The following ABLIM3 variants were observed in gnomAD, a reference collection of about 807,000 sequenced individuals.
The protein encoded by ABLIM3 is actin binding LIM protein family member 3, also known as actin-binding LIM protein 3.
Under a neutral mutation model 109.5 loss-of-function variants are expected in ABLIM3, and 61 were observed. The observed-to-expected ratio is 0.56, with a 90% CI of 0.45 to 0.69. ABLIM3 has a LOEUF of 0.69. ABLIM3 is among the 30% of genes least tolerant of loss of function. ABLIM3 has a pLI of 0.00. For synonymous variants in ABLIM3, 300 were observed against 324.8 expected (o/e 0.92, Z 0.82); for missense variants, 796 against 889.5 (o/e 0.89, Z 1.34).
chr5:149,240,914 C>A, intron 14 of ABLIM3, 140 bp downstream of exon 14: 1 of 725,830 alleles, frequency 1.4e-6, no homozygotes, highest in Non-Finnish European at 2.4e-6. Flanking sequence ...CCTGCACCAA[C>A]CCTGTCCTCC....
chr5:149,167,398 T>G (rs905989075), intron 2 of ABLIM3, among the ~76,000 whole-genome samples: 3 of 152,158 alleles, frequency 2.0e-5, no homozygotes, highest in African/African-American at 7.2e-5. Context: ...TCTTTAGAGT[T>G]TGCAATAAAA....
At chr5:149,241,229 G>A (rs1422380577) in intron 14 of ABLIM3, among the ~76,000 whole-genome samples, 2 of 152,212 alleles carry the variant, frequency 1.3e-5, no homozygotes, top group East Asian at 3.8e-4. Flanking sequence ...GGGCTCAGAG[G>A]TTGCAACTGT....
At chr5:149,193,654 A>G (rs1222514022) in intron 3 of ABLIM3, among the ~76,000 whole-genome samples, 1 of 152,220 alleles carries the variant, frequency 6.6e-6, no homozygotes, top group Non-Finnish European at 1.5e-5. Context: ...TAATCAAAGC[A>G]TTCCTAAAGA....
chr5:149,215,562 T>C lies in ABLIM3; in HGVS notation c.670-1397T>C, dbSNP rs376685150. On this transcript the variant is annotated intron_variant, in intron 7 of 23. Coordinates refer to ENST00000309868, the MANE Select transcript of ABLIM3 (RefSeq NM_014945.5). ...AAAAAAAACTAAGTTTGGAAATAGG[T>C]CTTCTTATTATGCAATTATAATTTT... 6.9e-4 allele frequency among the ~76,000 whole-genome samples: 105 copies of C among 151,190 alleles called. 1 individual carries two copies. Among genetic ancestry groups the C allele is most frequent in the African/African-American group, 2.5e-3 (103 of 41,076 alleles).
intron 10 of ABLIM3, among the ~76,000 whole-genome samples, chr5:149,235,331 A>G (rs1208384459): frequency 6.6e-6 from 1 of 152,210 alleles, no homozygotes; most frequent in Non-Finnish European, 1.5e-5. Context: ...GAGATTTTAG[A>G]TTCAAATAGA....
chr5:149,200,412 G>A lies in ABLIM3; in HGVS notation c.432G>A (p.Lys144=), dbSNP rs76939309. The A allele has an allele frequency of 1.8e-3, 2,904 of 1,614,204 alleles. 40 individuals carry two copies. The African/African-American group carries it at 0.035, about 19-fold the overall frequency. The change falls in exon 5 of 24, where the codon AAG becomes AAA. Residue 144 remains lysine (K), a synonymous_variant. Coordinates refer to ENST00000309868, the MANE Select transcript of ABLIM3 (RefSeq NM_014945.5). The part of the protein sequence containing the change: ...SQSMASSKPI[K]IRGPSHCAGC... ...CCATGGCCAGCAGTAAGCCCATCAA[G>A]ATTCGTGGACCAAGCCGTGAGTCCT... is the stretch of plus-strand genomic sequence containing the variant.
chr5:149,196,376 T>A (rs1440555418), intron 3 of ABLIM3, among the ~76,000 whole-genome samples: 1 of 152,266 alleles, frequency 6.6e-6, no homozygotes, highest in African/African-American at 2.4e-5. Flanking sequence ...CTCTTCAGAC[T>A]TACAGTCTTG....
chr5:149,178,108 G>C (rs1003051771), intron 2 of ABLIM3, among the ~76,000 whole-genome samples: 1 of 152,098 alleles, frequency 6.6e-6, no homozygotes, highest in Non-Finnish European at 1.5e-5. Context: ...AAACAGGATC[G>C]GCACCTGGGC....
chr5:149,192,106 C>A (rs1355479061), intron 3 of ABLIM3, among the ~76,000 whole-genome samples: 1 of 151,956 alleles, frequency 6.6e-6, no homozygotes, highest in African/African-American at 2.4e-5. Context: ...TCTCTAAGAT[C>A]AGGAACAAGA....
At chr5:149,189,203 A>G (rs995421382) in intron 3 of ABLIM3, among the ~76,000 whole-genome samples, 10 of 152,208 alleles carry the variant, frequency 6.6e-5, no homozygotes, top group African/African-American at 2.4e-4. Context: ...ATAAAAATTA[A>G]CTAAAAATTG....
chr5:149,250,358 C>T, intron 19 of ABLIM3, 89 bp from the exon 20 acceptor site: 1 of 1,319,684 alleles, frequency 7.6e-7, no homozygotes, highest in African/African-American at 1.4e-5. Flanking sequence ...AGGTTGGGAG[C>T]AGTGTTGGCC....
chr5:149,175,000 C>T lies in ABLIM3; in HGVS notation c.14-8452C>T, dbSNP rs561989355. Among the ~76,000 whole-genome samples, 10 of 152,248 alleles carry T rather than the reference C, an allele frequency of 6.6e-5. No individual in the cohort carries two copies. In the South Asian group the frequency reaches 1.9e-3, roughly 28 times the overall value. ...GTTGTTTTAGCTATTTTTACAGGCT[C>T]CTCTGTGTTACTGACTGGGGGCTTT... On this transcript the variant is annotated intron_variant, in intron 2 of 23. Transcript: ENST00000309868.
chr5:149,166,792 T>A (rs890079213), intron 2 of ABLIM3, among the ~76,000 whole-genome samples: 1 of 152,210 alleles, frequency 6.6e-6, no homozygotes, highest in African/African-American at 2.4e-5. Flanking sequence ...AGTCATGTGG[T>A]CTCTGTTGCA....
At chr5:149,244,858 T>C in intron 15 of ABLIM3, 23 bp from the exon 16 acceptor site, 1 of 1,614,188 alleles carries the variant, frequency 6.2e-7, no homozygotes, top group Non-Finnish European at 8.5e-7. Context: ...CTTCCTGAAG[T>C]GCTCTCCTTG....
chr5:149,225,978 GTGTGTATATATATATATATATATATATA>G (rs1761198211), intron 8 of ABLIM3, among the ~76,000 whole-genome samples: 1 of 25,088 alleles, frequency 4.0e-5, no homozygotes, highest in African/African-American at 2.5e-4. Flanking sequence ...GTGTGTGTGT[GTGTGTATATATATATATATATATATATA>G]TATATATATA....
chr5:149,151,509 C>T (rs769310284), intron 2 of ABLIM3, among the ~76,000 whole-genome samples: 45 of 152,204 alleles, frequency 3.0e-4, no homozygotes, highest in Non-Finnish European at 5.6e-4. Flanking sequence ...TCCACACTAG[C>T]GTGAGATGCT....
rs1754659083 is a variant in ABLIM3 at position 149,258,595 on chromosome 5, G to A, written c.*191G>A. ...CCTTACTTTCTCTTTTCTAAGTGCT[G>A]TGGGATCTGGGAAGGGATTTGAGGG... On this transcript the variant is annotated 3_prime_UTR_variant, in exon 24 of 24. Transcript: ENST00000309868. 7.4e-7 allele frequency: 1 copy of A among 1,349,550 alleles called. No individual in the cohort carries two copies. The highest frequency in any genetic ancestry group is 3.4e-5 in the Admixed American group (1 of 29,606). The allele number at this position is 1,349,550 out of a possible 1,614,324, so 83.6% of individuals were successfully genotyped here.
At chr5:149,211,181 T>TATTTATTTA (rs1306061556) in intron 7 of ABLIM3, among the ~76,000 whole-genome samples, 2 of 151,712 alleles carry the variant, frequency 1.3e-5, no homozygotes, top group African/African-American at 4.9e-5. Flanking sequence ...ATTATTTATT[T>TATTTATTTA]TGTTTGTTTG....
intron 18 of ABLIM3, among the ~76,000 whole-genome samples, chr5:149,248,859 G>GACACACACACACACACACACACACAC (rs55707887): frequency 2.1e-5 from 3 of 144,602 alleles, no homozygotes; most frequent in African/African-American, 7.9e-5. Flanking sequence ...CCTATTCCTG[G>GACACACACACACACACACACACACAC]ACACACACAC....
Sources: allele counts gnomAD v4.1 joint callset (sites outside exome capture counted in the v4.1 genomes callset), GRCh38; gene constraint gnomAD v4.1.1; transcripts MANE v1.5; gene names NCBI Gene and HGNC (gene_info 2026-07-23, HGNC 2026-07-21).